Variants in ANXA8 observed in about 807,000 individuals in gnomAD.
ANXA8 encodes the protein VAC-beta.
Under a neutral mutation model 26.8 loss-of-function variants are expected in ANXA8, and 9 were observed. The ratio of observed to expected loss-of-function variants is 0.34; its 90% CI spans 0.20 to 0.59. The LOEUF (loss-of-function observed/expected upper bound fraction) is 0.59. ANXA8 is among the 20% of genes least tolerant of loss of function. ANXA8 has a pLI of 0.84. For synonymous variants in ANXA8, 39 were observed against 94.8 expected, an observed-to-expected ratio of 0.41 and a Z score of 3.42; for missense variants, 83 against 238.5, an observed-to-expected ratio of 0.35 and a Z score of 4.29.
the ANXA8 span, among the ~76,000 whole-genome samples, chr10:47,667,406 T>G: frequency 2.0e-5 from 3 of 152,016 alleles, no homozygotes; most frequent in African/African-American, 7.3e-5. Flanking sequence ...GATCTTCCCT[T>G]TGTTTCCACT....
At chr10:47,735,550 C>A in the ANXA8 span, among the ~76,000 whole-genome samples, 1 of 145,482 alleles carries the variant, frequency 6.9e-6, no homozygotes, top group African/African-American at 2.6e-5. Context: ...CATGTGTCTG[C>A]TTTAAAATAT....
At chr10:47,938,842 A>G in the ANXA8 span, among the ~76,000 whole-genome samples, 2 of 148,720 alleles carry the variant, frequency 1.3e-5, no homozygotes, top group East Asian at 2.1e-4. Flanking sequence ...TCCCATAAGT[A>G]ATGACATCAC....
At chr10:47,604,754 T>TTCTG in the ANXA8 span, among the ~76,000 whole-genome samples, 5 of 152,302 alleles carry the variant, frequency 3.3e-5, no homozygotes, top group Admixed American at 2.6e-4. Flanking sequence ...TTAAAATTAT[T>TTCTG]TCTGTCAGAT....
the ANXA8 span, among the ~76,000 whole-genome samples, chr10:47,600,230 A>G: frequency 6.7e-6 from 1 of 149,564 alleles, no homozygotes; most frequent in African/African-American, 2.5e-5. Flanking sequence ...GTCCAACCCA[A>G]TGCCACCCTT....
At chr10:47,501,317 G>A in the ANXA8 span, among the ~76,000 whole-genome samples, 104 of 144,058 alleles carry the variant, frequency 7.2e-4, no homozygotes, top group African/African-American at 2.5e-3. Context: ...AAAGTGCTAG[G>A]ATTACAGGTG....
chr10:47,944,488 T>G, the ANXA8 span, among the ~76,000 whole-genome samples: 1 of 150,110 alleles, frequency 6.7e-6, no homozygotes, highest in African/African-American at 2.5e-5. Context: ...CCTGATATGG[T>G]TTGGCTGTGT....
At chr10:47,587,840 G>A in the ANXA8 span, among the ~76,000 whole-genome samples, 1 of 146,068 alleles carries the variant, frequency 6.8e-6, no homozygotes, top group Non-Finnish European at 1.5e-5. Flanking sequence ...GGTATCCTGG[G>A]GAAAACACCT....
the ANXA8 span, among the ~76,000 whole-genome samples, chr10:47,543,959 G>A: frequency 2.1e-5 from 3 of 144,948 alleles, no homozygotes; most frequent in Non-Finnish European, 3.0e-5. Flanking sequence ...CTGGAAGAGG[G>A]TGAGCCTGTG....
At chr10:47,763,833 G>A in the ANXA8 span, among the ~76,000 whole-genome samples, 1 of 150,056 alleles carries the variant, frequency 6.7e-6, no homozygotes, top group Non-Finnish European at 1.5e-5. Flanking sequence ...GTGTTTTGGG[G>A]GGATGGACCT....
At chr10:47,528,082 G>GTTT in the ANXA8 span, among the ~76,000 whole-genome samples, 4 of 127,866 alleles carry the variant, frequency 3.1e-5, no homozygotes, top group African/African-American at 1.1e-4. Context: ...TTAACAGAAT[G>GTTT]TTTTTTTTTT....
Position 47,483,944 on chromosome 10 carries a change from T to G in ANXA8, c.-11A>C, listed in dbSNP as rs1839953467. The G allele has an allele frequency of 6.2e-7, 1 of 1,611,628 alleles. No individual in the cohort carries two copies. Among genetic ancestry groups the G allele is most frequent in the Non-Finnish European group, 8.5e-7 (1 of 1,179,852 alleles). On this transcript the variant is annotated 5_prime_UTR_variant, in exon 1 of 12. Coordinates refer to ENST00000585281, the MANE Select transcript of ANXA8 (RefSeq NM_001040084.3). ...TTTCCACCAGGCCATCTCTTTCACC[T>G]CGGGGGCACCTTTCCCAGGGAGATG... is the stretch of plus-strand genomic sequence containing the variant.
chr10:47,485,360 C>A (rs1840015822), upstream of ANXA8, among the ~76,000 whole-genome samples: 1 of 151,830 alleles, frequency 6.6e-6, no homozygotes, highest in African/African-American at 2.4e-5. Context: ...GTCTGTACTG[C>A]CACCAACAAT....
chr10:47,495,442 T>A, the ANXA8 span, among the ~76,000 whole-genome samples: 1 of 150,276 alleles, frequency 6.7e-6, no homozygotes, highest in African/African-American at 2.4e-5. Context: ...CATGCCACCA[T>A]GCCTTGCTAA....
the ANXA8 span, among the ~76,000 whole-genome samples, chr10:47,916,478 T>C: frequency 1.2e-4 from 14 of 119,764 alleles, no homozygotes; most frequent in African/African-American, 3.6e-4. Context: ...GGCATTATGG[T>C]CCTGAAGGAA....
chr10:47,563,546 T>G, the ANXA8 span: 4 of 807,770 alleles, frequency 5.0e-6, no homozygotes, highest in Non-Finnish European at 8.7e-6. Flanking sequence ...AAATTTGTTC[T>G]AAATATATCC....
the ANXA8 span, among the ~76,000 whole-genome samples, chr10:47,701,938 A>G: frequency 6.6e-6 from 1 of 151,316 alleles, no homozygotes; most frequent in African/African-American, 2.4e-5. Context: ...ACTGGATTCT[A>G]TAAGGCTAAT....
At chr10:47,633,519 C>T in the ANXA8 span, among the ~76,000 whole-genome samples, 3 of 90,266 alleles carry the variant, frequency 3.3e-5, no homozygotes, top group Non-Finnish European at 6.2e-5. Context: ...ACACTCCAAC[C>T]CTAGCCCCTC....
At chr10:47,900,591 C>A in the ANXA8 span, among the ~76,000 whole-genome samples, 349 of 143,940 alleles carry the variant, frequency 2.4e-3, no homozygotes, top group African/African-American at 8.5e-3. Context: ...AACACCTTAA[C>A]CTTTTTCAAT....
the ANXA8 span, among the ~76,000 whole-genome samples, chr10:47,695,272 T>C: frequency 1.3e-5 from 2 of 151,532 alleles, no homozygotes; most frequent in Admixed American, 6.6e-5. Context: ...CTCATTAGCA[T>C]TGTAAGAAAT....
Sources: gnomAD v4.1 joint callset for allele counts (sites outside exome capture counted in the v4.1 genomes callset) on GRCh38, gnomAD v4.1.1 for gene constraint, MANE v1.5 for transcripts, NCBI Gene and HGNC (gene_info 2026-07-23, HGNC 2026-07-21) for gene names.